SNTB1: variants seen among roughly 807,000 people sequenced by gnomAD.
The protein encoded by SNTB1 is syntrophin beta 1.
SNTB1 carries 36 observed loss-of-function variants against 48.9 expected under a neutral mutation model. The observed-to-expected ratio is 0.74, with a 90% confidence interval of 0.56 to 0.97. The LOEUF (loss-of-function observed/expected upper bound fraction) is 0.97. Among genes scored for constraint, SNTB1 ranks in the 50% least tolerant of loss-of-function variants. SNTB1 has a pLI of 0.00. For synonymous variants in SNTB1, 299 were observed against 294.6 expected, an observed-to-expected ratio of 1.01 and a Z score of -0.15; for missense variants, 786 against 703.4, an observed-to-expected ratio of 1.12 and a Z score of -1.33.
chr8:120,723,923 CAG>C (rs1818712066), intron 1 of SNTB1, among the ~76,000 whole-genome samples: 1 of 152,164 alleles, frequency 6.6e-6, no homozygotes, highest in Non-Finnish European at 1.5e-5. Flanking sequence ...GACATTTGAA[CAG>C]ATGAATTATA....
chr8:120,743,666 G>C (rs140571175), intron 1 of SNTB1, among the ~76,000 whole-genome samples: 1 of 152,172 alleles, frequency 6.6e-6, no homozygotes, highest in Non-Finnish European at 1.5e-5. Context: ...AATGACAGAG[G>C]CACTTTTAGA....
chr8:120,614,626 T>C (rs1266354015), intron 3 of SNTB1, among the ~76,000 whole-genome samples: 1 of 152,208 alleles, frequency 6.6e-6, no homozygotes, highest in Non-Finnish European at 1.5e-5. Context: ...TTAAATCTAC[T>C]GTTACTCAAC....
chr8:120,733,717 C>T (rs1301841118), intron 1 of SNTB1, among the ~76,000 whole-genome samples: 1 of 152,116 alleles, frequency 6.6e-6, no homozygotes, highest in Non-Finnish European at 1.5e-5. Context: ...TTAAGGAATG[C>T]AAAAGTTGAT....
At chr8:120,772,197 A>G (rs1304275286) in intron 1 of SNTB1, among the ~76,000 whole-genome samples, 1 of 151,494 alleles carries the variant, frequency 6.6e-6, no homozygotes. Flanking sequence ...TCCTCTCCAG[A>G]ACCCTGTAGA....
rs144170688 is a variant in SNTB1, at chr8:120,594,646, T to C, written c.997-19421A>G. On this transcript the variant is annotated intron_variant, in intron 3 of 6. Transcript: ENST00000517992. ...ACCTCAGCCTTCCAAAGTACTGGGATTACAGGTGAAAGCCATGGCAACCGG... is the reference window on the plus strand; with the variant it reads ...ACCTCAGCCTTCCAAAGTACTGGGACTACAGGTGAAAGCCATGGCAACCGG... Among the ~76,000 whole-genome samples, 1,286 of 152,312 alleles carry C rather than the reference T, an allele frequency of 8.4e-3. 16 individuals are homozygous for C. Among genetic ancestry groups the C allele is most frequent in the African/African-American group, 0.029 (1,209 of 41,570 alleles).
chr8:120,609,398 G>A (rs1816581802), intron 3 of SNTB1, among the ~76,000 whole-genome samples: 1 of 152,130 alleles, frequency 6.6e-6, no homozygotes, highest in Non-Finnish European at 1.5e-5. Context: ...ATATGCTGGG[G>A]ATCAAATGAC....
chr8:120,780,852 T>C (rs186104791), intron 1 of SNTB1, among the ~76,000 whole-genome samples: 1 of 152,354 alleles, frequency 6.6e-6, no homozygotes, highest in East Asian at 1.9e-4. Flanking sequence ...ATTTCCCTTT[T>C]TATAAAAGTA....
At position 120,612,462 on chromosome 8, in the gene SNTB1, TC is replaced by T. The variant is rs1563831494; in HGVS notation, c.996+19981del. On this transcript the variant is annotated intron_variant, in intron 3 of 6. Transcript: ENST00000517992. ...TTAAACACTGTTAGGCATCGGAATC[TC>T]CTGGGAGCTTGCTGAAAATATAGAT... 2.0e-5 allele frequency among the ~76,000 whole-genome samples: 3 copies of T among 152,218 alleles called. No homozygotes were observed. In the South Asian group the frequency reaches 6.2e-4, roughly 32 times the overall value.
chr8:120,628,721 A>T (rs1816926196), intron 3 of SNTB1, among the ~76,000 whole-genome samples: 1 of 151,830 alleles, frequency 6.6e-6, no homozygotes, highest in African/African-American at 2.4e-5. Context: ...ACACCACTGC[A>T]CTCCAGCCTG....
intron 3 of SNTB1, among the ~76,000 whole-genome samples, chr8:120,610,747 T>C (rs1211183991): frequency 6.6e-6 from 1 of 152,166 alleles, no homozygotes; most frequent in African/African-American, 2.4e-5. Context: ...TCCTGAGATC[T>C]TGTTGGGAAG....
intron 3 of SNTB1, among the ~76,000 whole-genome samples, chr8:120,630,194 T>G (rs1477076515): frequency 6.6e-6 from 1 of 152,228 alleles, no homozygotes; most frequent in Admixed American, 6.5e-5. Flanking sequence ...AGACTCACTT[T>G]AAGAGTGCAT....
At chr8:120,547,140 A>G (rs1815396306) in intron 5 of SNTB1, among the ~76,000 whole-genome samples, 1 of 152,236 alleles carries the variant, frequency 6.6e-6, no homozygotes, top group Admixed American at 6.5e-5. Flanking sequence ...TGGATGAGAT[A>G]GGCAAAGTAT....
At chr8:120,744,121 A>AATTTTTTT (rs773906852) in intron 1 of SNTB1, among the ~76,000 whole-genome samples, 1 of 136,106 alleles carries the variant, frequency 7.3e-6, no homozygotes, top group African/African-American at 2.6e-5. Context: ...CCCTGTCTCA[A>AATTTTTTT]TTTTTTTTTT....
intron 3 of SNTB1, among the ~76,000 whole-genome samples, chr8:120,622,509 A>G (rs4128596): frequency 0.76 from 115,356 of 151,986 alleles, 44,088 homozygotes; most frequent in East Asian, 0.92. Flanking sequence ...AACCAAACAT[A>G]TAAGGATGCA....
intron 2 of SNTB1, among the ~76,000 whole-genome samples, chr8:120,681,776 C>G (rs1817935117): frequency 6.6e-6 from 1 of 152,140 alleles, no homozygotes; most frequent in Non-Finnish European, 1.5e-5. Context: ...ACATCCCCCT[C>G]CCCACTCCCC....
chr8:120,766,408 G>C (rs1296079652), intron 1 of SNTB1, among the ~76,000 whole-genome samples: 1 of 152,048 alleles, frequency 6.6e-6, no homozygotes, highest in Non-Finnish European at 1.5e-5. Flanking sequence ...TGCCCCAAGT[G>C]GTTTATAGCA....
At chr8:120,639,694 T>A (rs908095662) in intron 2 of SNTB1, among the ~76,000 whole-genome samples, 3 of 152,152 alleles carry the variant, frequency 2.0e-5, no homozygotes, top group African/African-American at 4.8e-5. Flanking sequence ...GTTGTAGATG[T>A]GTGGTATTAT....
At chr8:120,767,957 C>G (rs949247906) in intron 1 of SNTB1, among the ~76,000 whole-genome samples, 3 of 152,154 alleles carry the variant, frequency 2.0e-5, no homozygotes, top group African/African-American at 7.2e-5. Flanking sequence ...CTCAAAAGTC[C>G]TGCAGGGATT....
intron 2 of SNTB1, among the ~76,000 whole-genome samples, chr8:120,670,602 A>G (rs1817743259): frequency 6.6e-6 from 1 of 152,206 alleles, no homozygotes; most frequent in Admixed American, 6.5e-5. Context: ...TTTACTTAGT[A>G]TTTTGTAATA....
Sources: allele counts gnomAD v4.1 joint callset (sites outside exome capture counted in the v4.1 genomes callset), GRCh38; gene constraint gnomAD v4.1.1; transcripts MANE v1.5; gene names NCBI Gene and HGNC (gene_info 2026-07-23, HGNC 2026-07-21).